The following TMCC3 variants were observed in gnomAD, a reference collection of about 807,000 sequenced individuals.
TMCC3 encodes the protein transmembrane and coiled-coil domain family 3, also known as transmembrane and coiled-coil domain protein 3.
Under a neutral mutation model 40.2 loss-of-function variants are expected in TMCC3, and 28 were observed. That is an observed-to-expected ratio of 0.70 (90% confidence interval 0.52 to 0.95). TMCC3 has a LOEUF of 0.95. Ranked by LOEUF, TMCC3 falls within the 40% of genes least tolerant of loss-of-function variation. TMCC3 has a pLI of 0.00. For missense variants in TMCC3, 554 were observed against 615.2 expected, an observed-to-expected ratio of 0.90 and a Z score of 1.05; for synonymous variants, 255 against 248.5, an observed-to-expected ratio of 1.03 and a Z score of -0.25.
At position 94,598,580 on chromosome 12, in the gene TMCC3, A is replaced by C. The variant is rs2068732101; in HGVS notation, c.79-16042T>G. ...CTTGCATAATAAAAAAATGTGGGTT[A>C]CTTCTGTTTTACCCACTACCAAAGA... On this transcript the variant is annotated intron_variant, in intron 1 of 3. Transcript: ENST00000261226. 8.1e-6 allele frequency: 8 copies of C among 985,262 alleles called. No individual in the cohort carries two copies. In the South Asian group the frequency reaches 3.8e-4, roughly 46 times the overall value. The allele number at this position is 985,262 out of a possible 1,614,324, so 61.0% of individuals were successfully genotyped here.
Position 94,591,041 on chromosome 12 carries a change from T to C in TMCC3, c.79-8503A>G, listed in dbSNP as rs57533303. 7.8e-3 allele frequency: 4,219 copies of C among 540,110 alleles called. 86 individuals carry two copies. The highest frequency in any genetic ancestry group is 0.066 in the East Asian group (1,333 of 20,256). The allele number at this position is 540,110 out of a possible 1,614,324, so 33.5% of individuals were successfully genotyped here. A position where few individuals can be genotyped will look rare whatever the true frequency, so the allele number is the denominator to read the frequency against. On this transcript the variant is annotated intron_variant, in intron 1 of 3. Coordinates refer to ENST00000261226, the MANE Select transcript of TMCC3 (RefSeq NM_020698.4). ...ATTGATGAAGAAACATACGAAGAGATATATAAATCAAGGAAACAGAATATT... is the reference window on the plus strand; with the variant it reads ...ATTGATGAAGAAACATACGAAGAGACATATAAATCAAGGAAACAGAATATT...
chr12:94,597,124 C>CATAT (rs869220054), intron 1 of TMCC3, among the ~76,000 whole-genome samples: 482 of 29,678 alleles, frequency 0.016, 6 homozygotes, highest in African/African-American at 0.032. Context: ...TATTAAAATA[C>CATAT]ATATATATAT....
At chr12:94,586,543 T>C (rs1375555013) in intron 1 of TMCC3, among the ~76,000 whole-genome samples, 1 of 152,264 alleles carries the variant, frequency 6.6e-6, no homozygotes, top group Non-Finnish European at 1.5e-5. Flanking sequence ...GAGATGAAGT[T>C]ATTTAAAATC....
chr12:94,567,936 T>C lies in TMCC3; in HGVS notation c.*3499A>G, dbSNP rs2068504380. 6.6e-6 allele frequency: 1 copy of C among 152,208 alleles called. No individual in the cohort carries two copies. Among genetic ancestry groups the C allele is most frequent in the South Asian group, 2.1e-4 (1 of 4,836 alleles). 9.4% of individuals were successfully genotyped at this position (152,208 alleles called of 1,614,324 possible). On this transcript the variant is annotated 3_prime_UTR_variant, in exon 4 of 4. Transcript: ENST00000261226. ...CCTGAGGGAAGCTAGTTCCTCATTATTACTGAGCCCATAATTAAACCTGAT... is the reference window on the plus strand; with the variant it reads ...CCTGAGGGAAGCTAGTTCCTCATTACTACTGAGCCCATAATTAAACCTGAT...
chr12:94,592,661 C>CAAAAA lies in TMCC3; in HGVS notation c.79-10128_79-10124dup, dbSNP rs869058316. Among the ~76,000 whole-genome samples the CAAAAA allele has an allele frequency of 1.6e-3, 44 of 27,502 alleles. 7 individuals are homozygous for CAAAAA. Among genetic ancestry groups the CAAAAA allele is most frequent in the South Asian group, 3.3e-3 (2 of 614 alleles). 18.0% of individuals were successfully genotyped at this position (27,502 alleles called of 152,430 possible). A position where few individuals can be genotyped will look rare whatever the true frequency, so the allele number is the denominator to read the frequency against. Reference sequence around the variant, plus strand: ...TGAGCCTGGACAACAGGCTCCATCTCAAAAAAAAAAAAAAAAAAAAAATTC... The same window carrying CAAAAA: ...TGAGCCTGGACAACAGGCTCCATCTCAAAAAAAAAAAAAAAAAAAAAAAAAAATTC... On this transcript the variant is annotated intron_variant, in intron 1 of 3. Transcript: ENST00000261226.
rs112246079 is a variant in TMCC3 at position 94,573,493 on chromosome 12, A to G, written c.1132-1756T>C. Among the ~76,000 whole-genome samples, 1,130 of 152,236 alleles carry G rather than the reference A, an allele frequency of 7.4e-3. 17 individuals carry two copies. Among genetic ancestry groups the G allele is most frequent in the African/African-American group, 0.026 (1,079 of 41,530 alleles). ...TTAATATGGCCTTCTGAGGCCTTGC[A>G]AGGCCAGGTTCAGCTCCCTCTCCTC... On this transcript the variant is annotated intron_variant, in intron 3 of 3. Coordinates refer to ENST00000261226, the MANE Select transcript of TMCC3 (RefSeq NM_020698.4).
intron 2 of TMCC3, among the ~76,000 whole-genome samples, chr12:94,579,615 T>C (rs2068588319): frequency 6.6e-6 from 1 of 152,232 alleles, no homozygotes; most frequent in Admixed American, 6.5e-5. Context: ...TGGAATGACT[T>C]TGATCAACGC....
intron 1 of TMCC3, among the ~76,000 whole-genome samples, chr12:94,619,258 A>C (rs891067986): frequency 6.6e-6 from 1 of 152,168 alleles, no homozygotes; most frequent in African/African-American, 2.4e-5. Context: ...CACATCCAGG[A>C]AATGGTTTGC....
intron 1 of TMCC3, among the ~76,000 whole-genome samples, chr12:94,630,553 T>C (rs1409255474): frequency 6.6e-6 from 1 of 152,142 alleles, no homozygotes; most frequent in Non-Finnish European, 1.5e-5. Context: ...TAGTTGTGTC[T>C]CTTTCTTGGC....
At chr12:94,589,553 T>C (rs2138835093) in intron 1 of TMCC3, among the ~76,000 whole-genome samples, 1 of 152,332 alleles carries the variant, frequency 6.6e-6, no homozygotes, top group East Asian at 1.9e-4. Flanking sequence ...TCTTAATTGT[T>C]AAAAACTCTC....
rs1162349553 is a variant in TMCC3 at position 94,612,219 on chromosome 12, C to T, written c.79-29681G>A. On this transcript the variant is annotated intron_variant, in intron 1 of 3. Coordinates refer to ENST00000261226, the MANE Select transcript of TMCC3 (RefSeq NM_020698.4). ...TTCACCATGTTGACCAGGCTGGTCT[C>T]GAACTCCTGGGTTTCAAGCAATCCG... Among the ~76,000 whole-genome samples, 5 of 152,202 alleles carry T rather than the reference C, an allele frequency of 3.3e-5. 1 individual carries two copies. The highest frequency in any genetic ancestry group is 4.2e-4 in the South Asian group (2 of 4,818).
At chr12:94,572,512 T>C (rs2068538690) in intron 3 of TMCC3, among the ~76,000 whole-genome samples, 1 of 151,442 alleles carries the variant, frequency 6.6e-6, no homozygotes, top group Non-Finnish European at 1.5e-5. Context: ...GGTTTTACCA[T>C]GTTGGCCAGG....
intron 1 of TMCC3, chr12:94,598,796 G>C (rs1288104905): frequency 1.0e-6 from 1 of 978,994 alleles, no homozygotes; most frequent in Non-Finnish European, 1.2e-6. Context: ...TTTGTGATCT[G>C]GGATAAAAGA....
chr12:94,618,962 A>C (rs2068861439), intron 1 of TMCC3, among the ~76,000 whole-genome samples: 1 of 152,216 alleles, frequency 6.6e-6, no homozygotes. Context: ...TGGCCACATT[A>C]GATGGAATCT....
chr12:94,649,358 G>A (rs981008764), intron 1 of TMCC3, among the ~76,000 whole-genome samples: 1 of 152,200 alleles, frequency 6.6e-6, no homozygotes, highest in Non-Finnish European at 1.5e-5. Context: ...GGAAGTGGCA[G>A]GCCAGAATCT....
intron 1 of TMCC3, among the ~76,000 whole-genome samples, chr12:94,610,458 G>C (rs2068809208): frequency 6.6e-6 from 1 of 151,072 alleles, no homozygotes; most frequent in Admixed American, 6.6e-5. Context: ...TTTTTCAAGA[G>C]ATATAAAGAA....
chr12:94,584,041 A>G (rs568602760), intron 1 of TMCC3, among the ~76,000 whole-genome samples: 6 of 152,302 alleles, frequency 3.9e-5, no homozygotes, highest in Admixed American at 1.3e-4. Flanking sequence ...GTGGGCTGAC[A>G]GCAAAAAAAT....
chr12:94,628,369 T>C (rs2068914709), intron 1 of TMCC3, among the ~76,000 whole-genome samples: 1 of 152,198 alleles, frequency 6.6e-6, no homozygotes, highest in Non-Finnish European at 1.5e-5. Flanking sequence ...ATCTCTGTTT[T>C]CCCTGGTGAA....
chr12:94,644,898 A>G (rs1198715910), intron 1 of TMCC3, among the ~76,000 whole-genome samples: 1 of 152,216 alleles, frequency 6.6e-6, no homozygotes, highest in African/African-American at 2.4e-5. Flanking sequence ...GTAATTGTAG[A>G]TGGATTTCCA....
Sources: allele counts gnomAD v4.1 joint callset (sites outside exome capture counted in the v4.1 genomes callset), GRCh38; gene constraint gnomAD v4.1.1; transcripts MANE v1.5; gene names NCBI Gene and HGNC (gene_info 2026-07-23, HGNC 2026-07-21).